PCDHA6: variants seen among roughly 807,000 people sequenced by gnomAD.
PCDHA6 encodes the protein protocadherin alpha-6.
Under a neutral mutation model 60.3 loss-of-function variants are expected in PCDHA6, and 55 were observed. The ratio of observed to expected loss-of-function variants is 0.91; its 90% confidence interval spans 0.73 to 1.14. The LOEUF is 1.14. Ranked by LOEUF, PCDHA6 falls within the 50% of genes most tolerant of loss-of-function variation. The pLI is 0.00. For synonymous variants in PCDHA6, 652 were observed against 557.9 expected, an observed-to-expected ratio of 1.17 and a Z score of -2.38; for missense variants, 1,327 against 1,256.5, an observed-to-expected ratio of 1.06 and a Z score of -0.85.
At chr5:140,850,606 T>G (rs2150490821) in intron 1 of PCDHA6, 6 of 1,598,534 alleles carry the variant, frequency 3.8e-6, no homozygotes, top group Non-Finnish European at 5.1e-6. Flanking sequence ...ATCATCGCCA[T>G]CTGCGCGGTG....
chr5:140,907,517 G>A (rs1174112923), intron 1 of PCDHA6, among the ~76,000 whole-genome samples: 3 of 152,192 alleles, frequency 2.0e-5, no homozygotes, highest in Non-Finnish European at 4.4e-5. Flanking sequence ...TTCCAGTGAG[G>A]ACAAATCGCT....
intron 1 of PCDHA6, among the ~76,000 whole-genome samples, chr5:140,879,121 G>C (rs148259888): frequency 6.6e-6 from 1 of 152,330 alleles, no homozygotes; most frequent in Non-Finnish European, 1.5e-5. Context: ...TGAAGGATTA[G>C]AGCAGGGGAG....
At chr5:140,874,305 A>G (rs2054830761) in intron 1 of PCDHA6, among the ~76,000 whole-genome samples, 1 of 152,116 alleles carries the variant, frequency 6.6e-6, no homozygotes, top group Non-Finnish European at 1.5e-5. Context: ...CTTGTTCACA[A>G]TGAGTTGTAG....
At position 140,829,408 on chromosome 5, in the gene PCDHA6, C is replaced by T; in HGVS notation, c.1317C>T (p.Ala439=). ...GCTCGCCTTCGCTGTGGGCCACCGC[C>T]AGCTTGTCTGTGGAGGTGGCCGACA... ...DGGSPSLWAT[A]SLSVEVADMN... is the part of the protein sequence containing the mutation. The change falls in exon 1 of 4, where the codon GCC becomes GCT. Residue 439 remains alanine, a synonymous_variant. Transcript: ENST00000529310. 1.2e-6 allele frequency: 2 copies of T among 1,614,134 alleles called. No individual in the cohort carries two copies. Among genetic ancestry groups the T allele is most frequent in the Non-Finnish European group, 1.7e-6 (2 of 1,180,042 alleles).
At chr5:140,958,587 A>G (rs530889375) in intron 1 of PCDHA6, among the ~76,000 whole-genome samples, 36 of 152,292 alleles carry the variant, frequency 2.4e-4, no homozygotes, top group African/African-American at 8.2e-4. Context: ...AAATGAGCTT[A>G]TGATAATTGG....
intron 1 of PCDHA6, chr5:140,835,174 C>T (rs1773498411): frequency 1.3e-6 from 2 of 1,503,684 alleles, no homozygotes; most frequent in Non-Finnish European, 1.8e-6. Context: ...GTGATTCACC[C>T]CAATGCCTCA....
intron 3 of PCDHA6, among the ~76,000 whole-genome samples, chr5:140,998,369 C>T (rs530777656): frequency 1.3e-5 from 2 of 152,210 alleles, no homozygotes; most frequent in South Asian, 2.1e-4. Context: ...CTGCACACAC[C>T]GTCTCTAGAA....
chr5:140,963,196 G>GA (rs199602110), intron 1 of PCDHA6, among the ~76,000 whole-genome samples: 256 of 147,602 alleles, frequency 1.7e-3, no homozygotes, highest in African/African-American at 4.3e-3. Flanking sequence ...CTGTGAAAAT[G>GA]AAAAAAAAAA....
At chr5:140,832,611 T>C (rs1288145538) in intron 1 of PCDHA6, among the ~76,000 whole-genome samples, 1 of 152,132 alleles carries the variant, frequency 6.6e-6, no homozygotes, top group Non-Finnish European at 1.5e-5. Context: ...TGCTAGTGAG[T>C]AAATGTTTTT....
intron 1 of PCDHA6, chr5:140,843,675 T>A: frequency 6.3e-7 from 1 of 1,591,382 alleles, no homozygotes; most frequent in South Asian, 1.1e-5. Flanking sequence ...TCAGTTGATG[T>A]AGGCGAAGAG....
Position 140,848,482 on chromosome 5 carries a change from A to G in PCDHA6, c.2394+17997A>G, listed in dbSNP as rs1562444784. ...GGCAATTTTCACTAATTAGAAGAAG[A>G]CTGAGTATTTGAAATGTTATACTCA... On this transcript the variant is annotated intron_variant, in intron 1 of 3. Transcript: ENST00000529310. 3 of 1,569,886 alleles carry G rather than the reference A, an allele frequency of 1.9e-6. 1 individual carries two copies. In the African/African-American group the frequency reaches 4.1e-5, roughly 21 times the overall value.
chr5:140,834,739 T>G (rs1422918644), intron 1 of PCDHA6: 1 of 1,614,236 alleles, frequency 6.2e-7, no homozygotes, highest in Non-Finnish European at 8.5e-7. Flanking sequence ...GTTTTCCATG[T>G]GGACGTGGAG....
intron 1 of PCDHA6, among the ~76,000 whole-genome samples, chr5:140,952,040 G>T (rs1243206064): frequency 1.3e-5 from 2 of 152,216 alleles, no homozygotes; most frequent in African/African-American, 4.8e-5. Context: ...CAGTAGGGCA[G>T]TTATTAAATC....
chr5:140,839,374 AATT>A lies in PCDHA6; in HGVS notation c.2394+8895_2394+8897del, dbSNP rs2150296854. Among the ~76,000 whole-genome samples the A allele has an allele frequency of 6.0e-3, 174 of 29,192 alleles. 2 individuals carry two copies. In the South Asian group the frequency reaches 0.16, roughly 27 times the overall value. The allele number at this position is 29,192 out of a possible 152,430, so 19.2% of individuals were successfully genotyped here. On this transcript the variant is annotated intron_variant, in intron 1 of 3. Coordinates refer to ENST00000529310, the MANE Select transcript of PCDHA6 (RefSeq NM_018909.4). ...CTTAGCCACCTAAGCTGTATTCATC[AATT>A]ATTATGATGATGATGATGATTATTA...
chr5:140,990,524 G>T (rs782064217), intron 3 of PCDHA6, among the ~76,000 whole-genome samples: 2 of 151,978 alleles, frequency 1.3e-5, no homozygotes, highest in Non-Finnish European at 2.9e-5. Flanking sequence ...TGTCTTTTTT[G>T]ACTGTGCATC....
chr5:140,882,917 G>A, intron 1 of PCDHA6: 1 of 1,614,218 alleles, frequency 6.2e-7, no homozygotes, highest in Non-Finnish European at 8.5e-7. Context: ...AGCCAGTGAT[G>A]GAGGTAAACC....
chr5:140,937,260 A>G (rs1427466170), intron 1 of PCDHA6, among the ~76,000 whole-genome samples: 1 of 151,830 alleles, frequency 6.6e-6, no homozygotes, highest in Non-Finnish European at 1.5e-5. Flanking sequence ...GATGGTCTCG[A>G]TCTCCTGACC....
At chr5:140,975,330 A>G (rs563974651) in intron 1 of PCDHA6, among the ~76,000 whole-genome samples, 1 of 152,320 alleles carries the variant, frequency 6.6e-6, no homozygotes, top group African/African-American at 2.4e-5. Flanking sequence ...CATCCAGATG[A>G]TCTCCCTTTC....
rs147693617 is a variant in PCDHA6 at position 140,830,361 on chromosome 5, G to A, written c.2270G>A (p.Arg757Lys). 6.2e-7 allele frequency: 1 copy of A among 1,614,126 alleles called. No homozygotes were observed. Among genetic ancestry groups the A allele is most frequent in the East Asian group, 2.2e-5 (1 of 44,868 alleles). The change falls in exon 1 of 4, where the codon AGG (arginine) becomes AAG (lysine). Residue 757 changes from arginine to lysine, a missense_variant. Physicochemically the swap from Arg to Lys is conservative, Grantham distance 26. Coordinates refer to ENST00000529310, the MANE Select transcript of PCDHA6 (RefSeq NM_018909.4). ...SWSYSQQRRQRVCSGEGPPKM... is the reference protein window; with the variant it reads ...SWSYSQQRRQKVCSGEGPPKM... ...TCGTACTCGCAGCAGAGGCGGCAGA[G>A]GGTGTGCTCCGGGGAGGGCCCACCC...
Sources: allele counts gnomAD v4.1 joint callset (sites outside exome capture counted in the v4.1 genomes callset), GRCh38; gene constraint gnomAD v4.1.1; transcripts MANE v1.5; gene names NCBI Gene and HGNC (gene_info 2026-07-23, HGNC 2026-07-21).